PRELP: variants seen among roughly 807,000 people sequenced by gnomAD.
PRELP encodes prolargin.
A neutral mutation model predicts 22.8 loss-of-function variants in PRELP; 16 were observed. The observed-to-expected ratio is 0.70, with a 90% CI of 0.47 to 1.06. PRELP has a LOEUF of 1.06. PRELP is among the 50% of genes least tolerant of loss of function. PRELP has a pLI of 0.00. For missense variants in PRELP, 434 were observed against 485.2 expected (o/e 0.89, Z 0.99); for synonymous variants, 233 against 211.4 (o/e 1.10, Z -0.89).
chr1:203,484,247 G>A (rs550519114), intron 2 of PRELP, 90 bp downstream of exon 2: 111 of 1,500,852 alleles, frequency 7.4e-5, no homozygotes, highest in Middle Eastern at 5.0e-4. Context: ...AGGGTGGGGT[G>A]GTATAAAAAG....
At chr1:203,484,306 C>A in intron 2 of PRELP, 149 bp downstream of exon 2, 1 of 1,280,290 alleles carries the variant, frequency 7.8e-7, no homozygotes, top group Non-Finnish European at 1.0e-6. Context: ...CACTTGCTAT[C>A]TGGGTGACCT....
chr1:203,481,021 C>T (rs902854607), intron 1 of PRELP, among the ~76,000 whole-genome samples: 1 of 152,110 alleles, frequency 6.6e-6, no homozygotes, highest in African/African-American at 2.4e-5. Flanking sequence ...AACCCCGCCC[C>T]GCCCAGCACA....
rs1661140462 is a variant in PRELP at position 203,488,697 on chromosome 1, C to T, written c.*1816C>T. Reference sequence around the variant, plus strand: ...CCTCCCCCAGAGGCTTCCCCACCCTCCATTGCCTGGCCCAGGTGAGCAGCT... The same window carrying T: ...CCTCCCCCAGAGGCTTCCCCACCCTTCATTGCCTGGCCCAGGTGAGCAGCT... On this transcript the variant is annotated 3_prime_UTR_variant, in exon 3 of 3. Transcript: ENST00000343110. 2 of 152,192 alleles carry T rather than the reference C, an allele frequency of 1.3e-5. No homozygotes were observed. The highest frequency in any genetic ancestry group is 1.3e-4 in the Admixed American group (2 of 15,280). 9.4% of individuals were successfully genotyped at this position (152,192 alleles called of 1,614,324 possible).
At chr1:203,485,730 T>C (rs946144774) in intron 2 of PRELP, among the ~76,000 whole-genome samples, 1 of 150,484 alleles carries the variant, frequency 6.6e-6, no homozygotes, top group African/African-American at 2.4e-5. Flanking sequence ...ACAATTACAA[T>C]GAAGATGATG....
At chr1:203,486,644 C>T (rs1228200996) in intron 2 of PRELP, 62 bp from the exon 3 acceptor site, 2 of 1,493,280 alleles carry the variant, frequency 1.3e-6, no homozygotes, top group East Asian at 2.3e-5. Flanking sequence ...TCCCCCTTCC[C>T]CTTCCTCATC....
intron 1 of PRELP, among the ~76,000 whole-genome samples, chr1:203,479,929 T>C (rs1191695605): frequency 6.6e-6 from 1 of 151,996 alleles, no homozygotes; most frequent in Non-Finnish European, 1.5e-5. Flanking sequence ...ATAGTTGGAA[T>C]TGAAATTAGA....
chr1:203,483,885 G>C lies in PRELP; in HGVS notation c.701G>C (p.Arg234Thr). Residue 234 changes from arginine to threonine, a missense_variant, in exon 2 of 3, where the codon AGA becomes ACA. Physicochemically the swap from Arg to Thr is moderately conservative, Grantham distance 71. Coordinates refer to ENST00000343110, the MANE Select transcript of PRELP (RefSeq NM_002725.4). This position sits in a 1 kb window ranked among gnomAD's most constrained non-coding sequence, Gnocchi z 4.4. ...MQLNLAHNIL[R>T]KMPPRVPTAI... ...CTCAACCTGGCCCACAACATCCTGA[G>C]AAAGATGCCGCCCAGGGTCCCCACC... 2 of 1,614,240 alleles carry C rather than the reference G, an allele frequency of 1.2e-6. No individual in the cohort carries two copies. The highest frequency in any genetic ancestry group is 1.7e-6 in the Non-Finnish European group (2 of 1,180,042).
rs564811216 is a variant in PRELP, at chr1:203,484,171, G to A, written c.973+14G>A. On this transcript the variant is annotated intron_variant, in intron 2 of 2. Coordinates refer to ENST00000343110, the MANE Select transcript of PRELP (RefSeq NM_002725.4). ...ATAGCATCGAGAGTGAGTGGGGTGG[G>A]CCGGGGCGGGGCCGAAGGCAAGGAG... 6 of 1,581,476 alleles carry A rather than the reference G, an allele frequency of 3.8e-6. 1 individual carries two copies. In the South Asian group the frequency reaches 6.7e-5, roughly 18 times the overall value.
At position 203,483,463 on chromosome 1, in the gene PRELP, C is replaced by T; in HGVS notation, c.279C>T (p.Asn93=). The T allele has an allele frequency of 6.2e-7, 1 of 1,614,210 alleles. No homozygotes were observed. Among genetic ancestry groups the T allele is most frequent in the Non-Finnish European group, 8.5e-7 (1 of 1,180,028 alleles). Residue 93 remains asparagine (N), a synonymous_variant, in exon 2 of 3, where the codon AAC becomes AAT. Transcript: ENST00000343110. This position sits in a 1 kb window ranked among gnomAD's most constrained non-coding sequence, Gnocchi z 4.4. ...FPSALYCDSR[N]LRKVPVIPPR... Reference sequence around the variant, plus strand: ...CTGCCCTCTACTGTGATAGCCGCAACCTGCGAAAGGTCCCTGTCATCCCGC... The same window carrying T: ...CTGCCCTCTACTGTGATAGCCGCAATCTGCGAAAGGTCCCTGTCATCCCGC...
At position 203,483,120 on chromosome 1, in the gene PRELP, A is replaced by T; in HGVS notation, c.-16-49A>T. The T allele has an allele frequency of 1.4e-6, 2 of 1,410,296 alleles. No individual in the cohort carries two copies. 87.4% of individuals were successfully genotyped at this position (1,410,296 alleles called of 1,614,324 possible). A position where few individuals can be genotyped will look rare whatever the true frequency, so the allele number is the denominator to read the frequency against. On this transcript the variant is annotated intron_variant, in intron 1 of 2. Coordinates refer to ENST00000343110, the MANE Select transcript of PRELP (RefSeq NM_002725.4). This position sits in a 1 kb window ranked among gnomAD's most constrained non-coding sequence, Gnocchi z 4.4. ...CTCTGGCTTCAAAAACATGACAACT[A>T]GTTACTGAGGGCCCAAGGATAATGA...
intron 1 of PRELP, among the ~76,000 whole-genome samples, chr1:203,478,157 G>A (rs1660943821): frequency 6.6e-6 from 1 of 152,224 alleles, no homozygotes; most frequent in Admixed American, 6.5e-5. Context: ...AAAAGAAGGT[G>A]TTAGTATCCC....
chr1:203,483,605 A>G lies in PRELP; in HGVS notation c.421A>G (p.Ile141Val), dbSNP rs545182496. Residue 141 changes from isoleucine (I) to valine (V), a missense_variant, in exon 2 of 3, where the codon ATA becomes GTA. Coordinates refer to ENST00000343110, the MANE Select transcript of PRELP (RefSeq NM_002725.4). This position sits in a 1 kb window ranked among gnomAD's most constrained non-coding sequence, Gnocchi z 4.4. The part of the protein sequence containing the change: ...INLDNNRIRK[I>V]DQRVLEKLPG... Reference sequence around the variant, plus strand: ...CCTGGACAACAACCGAATCCGCAAGATAGACCAGAGGGTGCTGGAGAAACT... The same window carrying G: ...CCTGGACAACAACCGAATCCGCAAGGTAGACCAGAGGGTGCTGGAGAAACT... 125 of 1,614,242 alleles carry G rather than the reference A, an allele frequency of 7.7e-5. 1 individual carries two copies. The South Asian group carries it at 1.3e-3, about 17-fold the overall frequency.
In PRELP at chr1:203,488,932, T is replaced by C. The variant is rs925296362; in HGVS notation, c.*2051T>C. 5.9e-5 allele frequency: 9 copies of C among 152,284 alleles called. No homozygotes were observed. The highest frequency in any genetic ancestry group is 1.3e-4 in the Non-Finnish European group (9 of 68,054). The allele number at this position is 152,284 out of a possible 1,614,324, so 9.4% of individuals were successfully genotyped here. ...AAAGTTCCAGAGGTTTTTAAGAAAT[T>C]GGATTAAGCTGGGTCCCTAACTTCA... is the stretch of plus-strand genomic sequence containing the variant. On this transcript the variant is annotated 3_prime_UTR_variant, in exon 3 of 3. Transcript: ENST00000343110.
chr1:203,479,596 A>T (rs894614738), intron 1 of PRELP, among the ~76,000 whole-genome samples: 1 of 151,052 alleles, frequency 6.6e-6, no homozygotes, highest in African/African-American at 2.4e-5. Context: ...CTAGCTGCTC[A>T]GGACGCTGAG....
chr1:203,489,209 G>A lies in PRELP; in HGVS notation c.*2328G>A, dbSNP rs1398018174. The A allele has an allele frequency of 6.6e-6, 1 of 152,592 alleles. No individual in the cohort carries two copies. The highest frequency in any genetic ancestry group is 2.4e-5 in the African/African-American group (1 of 41,432). 9.5% of individuals were successfully genotyped at this position (152,592 alleles called of 1,614,324 possible). On this transcript the variant is annotated 3_prime_UTR_variant, in exon 3 of 3. Coordinates refer to ENST00000343110, the MANE Select transcript of PRELP (RefSeq NM_002725.4). ...CTTGCAGCCTCAGCCCCTTTGATGA[G>A]GCCCTCAGGGGAGAGGTCATTACCT...
rs1661159837 is a variant in PRELP at position 203,489,784 on chromosome 1, C to G, written c.*2903C>G. The G allele has an allele frequency of 6.6e-6, 1 of 152,100 alleles. No individual in the cohort carries two copies. The highest frequency in any genetic ancestry group is 2.1e-4 in the South Asian group (1 of 4,826). The allele number at this position is 152,100 out of a possible 1,614,324, so 9.4% of individuals were successfully genotyped here. ...CCAGCCTGGCCAACATAGTGAAACC[C>G]CTTGTTTACTCAAAATACAAAAATT... On this transcript the variant is annotated 3_prime_UTR_variant, in exon 3 of 3. Coordinates refer to ENST00000343110, the MANE Select transcript of PRELP (RefSeq NM_002725.4).
At position 203,483,425 on chromosome 1, in the gene PRELP, CCT is replaced by C. The variant is rs748732293; in HGVS notation, c.242_243del (p.Pro81ArgfsTer9). ...PDCPRECYCP[P>X]DFPSALYCDS... ...CTGTCCCCGCGAATGCTACTGCCCC[CCT>C]GATTTCCCATCTGCCCTCTACTGTG... On this transcript the variant is annotated frameshift_variant, in exon 2 of 3. Transcript: ENST00000343110. LOFTEE classifies it high-confidence loss of function. The surrounding 1 kb of genome is among the most constrained non-coding windows in gnomAD (Gnocchi z 4.4). The C allele has an allele frequency of 3.1e-6, 5 of 1,614,188 alleles. No homozygotes were observed. Among genetic ancestry groups the C allele is most frequent in the South Asian group, 1.1e-5 (1 of 91,082 alleles).
At chr1:203,476,481 C>T (rs1660913045) in intron 1 of PRELP, among the ~76,000 whole-genome samples, 1 of 152,148 alleles carries the variant, frequency 6.6e-6, no homozygotes, top group Admixed American at 6.5e-5. Context: ...ACACATGTTC[C>T]CTGCATCTTG....
At position 203,483,161 on chromosome 1, in the gene PRELP, CCCTGCAGGTGCATCA is replaced by C. The variant is rs1343539822; in HGVS notation, c.-16-3_-5del. 6.6e-7 allele frequency: 1 copy of C among 1,517,072 alleles called. No homozygotes were observed. The highest frequency in any genetic ancestry group is 8.8e-7 in the Non-Finnish European group (1 of 1,132,258). The allele number at this position is 1,517,072 out of a possible 1,614,324, so 94.0% of individuals were successfully genotyped here. On this transcript the variant is annotated splice_acceptor_variant and splice_polypyrimidine_tract_variant and 5_prime_UTR_variant and intron_variant, in exon 2 of 3. Coordinates refer to ENST00000343110, the MANE Select transcript of PRELP (RefSeq NM_002725.4). LOFTEE classifies it low-confidence loss of function (5UTR_SPLICE). The surrounding 1 kb of genome is among the most constrained non-coding windows in gnomAD (Gnocchi z 4.4). The stretch of plus-strand genomic sequence containing the variant: ...AGGATAATGACCTTATGTGTCTTCT[CCCTGCAGGTGCATCA>C]CCTGGATCATGAGGTCACCCCTCTG...
Sources: allele counts gnomAD v4.1 joint callset (sites outside exome capture counted in the v4.1 genomes callset), GRCh38; gene constraint gnomAD v4.1.1; non-coding constraint Gnocchi (gnomAD v3.1); transcripts MANE v1.5; gene names NCBI Gene and HGNC (gene_info 2026-07-23, HGNC 2026-07-21).